Variants in ANKS4B observed in about 807,000 individuals in gnomAD.
The protein encoded by ANKS4B is ankyrin repeat and SAM domain-containing protein 4B.
Under a neutral mutation model 20.2 loss-of-function variants are expected in ANKS4B, and 21 were observed. The observed-to-expected ratio is 1.04, with a 90% CI of 0.74 to 1.50. The LOEUF (loss-of-function observed/expected upper bound fraction) is 1.50. Ranked by LOEUF, ANKS4B falls within the 40% of genes most tolerant of loss-of-function variation. The pLI is 0.00. For synonymous variants in ANKS4B, 179 were observed against 194.5 expected, an observed-to-expected ratio of 0.92 and a Z score of 0.66; for missense variants, 473 against 494.6, an observed-to-expected ratio of 0.96 and a Z score of 0.41.
In ANKS4B at chr16:21,252,512, G is replaced by A. The variant is rs547366714; in HGVS notation, c.*1692G>A. On this transcript the variant is annotated 3_prime_UTR_variant, in exon 2 of 2. Transcript: ENST00000311620. ...CTGTCCTAAGTAAGAGGGTTGGGGAGGAGACCAAGAAAAATACAGAAAAAA... is the reference window on the plus strand; with the variant it reads ...CTGTCCTAAGTAAGAGGGTTGGGGAAGAGACCAAGAAAAATACAGAAAAAA... The A allele has an allele frequency of 5.9e-5, 9 of 152,270 alleles. No homozygotes were observed. Among genetic ancestry groups the A allele is most frequent in the African/African-American group, 1.9e-4 (8 of 41,556 alleles). 9.4% of individuals were successfully genotyped at this position (152,270 alleles called of 1,614,324 possible).
In ANKS4B at chr16:21,252,626, G is replaced by C. The variant is rs1379739649; in HGVS notation, c.*1806G>C. ...AAAAAACTAAGTTCTTTGGAGGGAAGATTTGATTGTCAAAGGAAATTTCAC... is the reference window on the plus strand; with the variant it reads ...AAAAAACTAAGTTCTTTGGAGGGAACATTTGATTGTCAAAGGAAATTTCAC... On this transcript the variant is annotated 3_prime_UTR_variant, in exon 2 of 2. Coordinates refer to ENST00000311620, the MANE Select transcript of ANKS4B (RefSeq NM_145865.3). 1 of 152,230 alleles carries C rather than the reference G, an allele frequency of 6.6e-6. No homozygotes were observed. The highest frequency in any genetic ancestry group is 1.5e-5 in the Non-Finnish European group (1 of 68,042). The allele number at this position is 152,230 out of a possible 1,614,324, so 9.4% of individuals were successfully genotyped here.
intron 1 of ANKS4B, among the ~76,000 whole-genome samples, chr16:21,236,724 C>T (rs2093320665): frequency 1.3e-5 from 2 of 151,874 alleles, no homozygotes; most frequent in South Asian, 2.1e-4. Context: ...TTCTGCTAGT[C>T]TTTAATTACA....
intron 1 of ANKS4B, 73 bp downstream of exon 1, chr16:21,233,974 G>C (rs2093317006): frequency 2.1e-6 from 3 of 1,397,104 alleles, no homozygotes; most frequent in Non-Finnish European, 3.0e-6. Flanking sequence ...GCAAGAGGCA[G>C]GGACGTCAAT....
At chr16:21,239,430 A>T (rs2093323869) in intron 1 of ANKS4B, among the ~76,000 whole-genome samples, 1 of 151,966 alleles carries the variant, frequency 6.6e-6, no homozygotes, top group South Asian at 2.1e-4. Context: ...AAACACAAAA[A>T]ATTAACTGGG....
chr16:21,247,831 T>G (rs1433185252), intron 1 of ANKS4B, among the ~76,000 whole-genome samples: 1 of 152,214 alleles, frequency 6.6e-6, no homozygotes, highest in African/African-American at 2.4e-5. Context: ...GTGCCAGGCA[T>G]TAGGTTTATG....
chr16:21,241,976 T>C (rs929334512), intron 1 of ANKS4B, among the ~76,000 whole-genome samples: 3 of 152,064 alleles, frequency 2.0e-5, no homozygotes, highest in African/African-American at 7.2e-5. Context: ...GGCAGGAGGA[T>C]TGCTTGAGGC....
chr16:21,250,324 C>T lies in ANKS4B; in HGVS notation c.758C>T (p.Ser253Leu), dbSNP rs369712734. The change falls in exon 2 of 2, where the codon TCA becomes TTA. Residue 253 changes from serine to leucine, a missense_variant. Ser to Leu is a moderately radical substitution (Grantham distance 145). Transcript: ENST00000311620. ...SGDFKEKLQL[S>L]AEEDGSVHHE... ...GACTTCAAAGAGAAGCTCCAGTTGT[C>T]AGCAGAGGAGGACGGCAGTGTGCAC... 1 of 1,614,166 alleles carries T rather than the reference C, an allele frequency of 6.2e-7. No homozygotes were observed. The highest frequency in any genetic ancestry group is 8.5e-7 in the Non-Finnish European group (1 of 1,180,032).
In ANKS4B at chr16:21,250,450, G is replaced by T. The variant is rs773311953; in HGVS notation, c.884G>T (p.Gly295Val). ...ATCTCAGATAGCAAGAGAGAGTTTG[G>T]TTTTAAACTGCCCAGTGAATTGCTT... ...EDISDSKREFGFKLPSELLQR... is the reference protein window; with the variant it reads ...EDISDSKREFVFKLPSELLQR... Residue 295 changes from glycine to valine, a missense_variant, in exon 2 of 2, where the codon GGT (glycine) becomes GTT (valine). Transcript: ENST00000311620. 1 of 1,614,128 alleles carries T rather than the reference G, an allele frequency of 6.2e-7. No homozygotes were observed. Among genetic ancestry groups the T allele is most frequent in the Non-Finnish European group, 8.5e-7 (1 of 1,180,014 alleles).
At chr16:21,248,836 AAGATG>A (rs1025980822) in intron 1 of ANKS4B, among the ~76,000 whole-genome samples, 2 of 152,144 alleles carry the variant, frequency 1.3e-5, no homozygotes, top group African/African-American at 4.8e-5. Context: ...CCTGTCTCTT[AAGATG>A]ATTCATGTCC....
chr16:21,244,541 A>G (rs2093330160), intron 1 of ANKS4B, among the ~76,000 whole-genome samples: 1 of 143,196 alleles, frequency 7.0e-6, no homozygotes, highest in African/African-American at 2.5e-5. Flanking sequence ...ACTCCTCCCA[A>G]TAATTTTGTT....
intron 1 of ANKS4B, among the ~76,000 whole-genome samples, chr16:21,234,315 C>T (rs935329731): frequency 1.3e-5 from 2 of 151,976 alleles, no homozygotes; most frequent in Non-Finnish European, 2.9e-5. Context: ...TTTATCTATG[C>T]CATCAAAATC....
In ANKS4B at chr16:21,249,993, G is replaced by A. The variant is rs372967930; in HGVS notation, c.427G>A (p.Ala143Thr). Reference sequence around the variant, plus strand: ...GCTGAAGGAGCAGGCTCAGAAGAATGCCAGGAGGCAGATCAAAGAGTGTGA... The same window carrying A: ...GCTGAAGGAGCAGGCTCAGAAGAATACCAGGAGGCAGATCAAAGAGTGTGA... ...TRLKEQAQKN[A>T]RRQIKECERL... is the part of the protein sequence containing the mutation. Residue 143 changes from alanine to threonine, a missense_variant, in exon 2 of 2, where the codon GCC becomes ACC. Ala to Thr is a moderately conservative substitution (Grantham distance 58, BLOSUM62 0). Transcript: ENST00000311620. 5.6e-5 allele frequency: 90 copies of A among 1,614,204 alleles called. No homozygotes were observed. In the African/African-American group the frequency reaches 1.2e-3, roughly 21 times the overall value.
At chr16:21,242,640 C>T (rs1039084086) in intron 1 of ANKS4B, among the ~76,000 whole-genome samples, 2 of 152,154 alleles carry the variant, frequency 1.3e-5, no homozygotes, top group Non-Finnish European at 2.9e-5. Context: ...GGATAGTATT[C>T]CATTGTGTGG....
chr16:21,236,426 G>T (rs1355985931), intron 1 of ANKS4B, among the ~76,000 whole-genome samples: 1 of 152,172 alleles, frequency 6.6e-6, no homozygotes, highest in Non-Finnish European at 1.5e-5. Flanking sequence ...CCTCCTAGAA[G>T]AGGGTTTGGG....
chr16:21,234,430 C>T (rs1354450109), intron 1 of ANKS4B, among the ~76,000 whole-genome samples: 4 of 151,186 alleles, frequency 2.6e-5, no homozygotes, highest in African/African-American at 4.9e-5. Context: ...GCTGGCTCTA[C>T]AAGGACTCTT....
At chr16:21,236,414 GTCC>G (rs2093320332) in intron 1 of ANKS4B, among the ~76,000 whole-genome samples, 1 of 152,290 alleles carries the variant, frequency 6.6e-6, no homozygotes, top group African/African-American at 2.4e-5. Flanking sequence ...CAGTGAGTTT[GTCC>G]TCCTAGAAGA....
chr16:21,245,483 T>A (rs1053160213), intron 1 of ANKS4B, among the ~76,000 whole-genome samples: 1 of 152,088 alleles, frequency 6.6e-6, no homozygotes, highest in African/African-American at 2.4e-5. Flanking sequence ...ATTTTTTTTT[T>A]ATTTTTTTGA....
intron 1 of ANKS4B, among the ~76,000 whole-genome samples, chr16:21,236,591 A>G (rs776357078): frequency 3.3e-5 from 5 of 151,940 alleles, no homozygotes; most frequent in Non-Finnish European, 7.4e-5. Context: ...TTTTATTTTT[A>G]CTAGAGACAG....
At chr16:21,249,514 C>T (rs886488458) in intron 1 of ANKS4B, among the ~76,000 whole-genome samples, 5 of 152,090 alleles carry the variant, frequency 3.3e-5, no homozygotes, top group African/African-American at 7.2e-5. Flanking sequence ...AGGAGACACA[C>T]GGTAGAGATG....
Sources: gnomAD v4.1 joint callset for allele counts (sites outside exome capture counted in the v4.1 genomes callset) on GRCh38, gnomAD v4.1.1 for gene constraint, MANE v1.5 for transcripts, NCBI Gene and HGNC (gene_info 2026-07-23, HGNC 2026-07-21) for gene names.